FOXP1: variants seen among roughly 807,000 people sequenced by gnomAD.
The protein encoded by FOXP1 is forkhead box P1.
FOXP1 carries 15 observed loss-of-function variants against 98.2 expected under a neutral mutation model. That is an observed-to-expected ratio of 0.15 (90% CI 0.10 to 0.24). The LOEUF is 0.24. FOXP1 is among the 10% of genes least tolerant of loss of function. The pLI is 1.00. For synonymous variants in FOXP1, 371 were observed against 314.5 expected (o/e 1.18, Z -1.90); for missense variants, 633 against 848.5 (o/e 0.75, Z 3.15).
intron 7 of FOXP1, among the ~76,000 whole-genome samples, chr3:71,056,408 T>C (rs2050651762): frequency 6.6e-6 from 1 of 152,318 alleles, no homozygotes; most frequent in East Asian, 1.9e-4. Flanking sequence ...TTATTCATTT[T>C]TTTGCAGTTA....
At chr3:70,961,692 T>G (rs2033569468) in intron 20 of FOXP1, among the ~76,000 whole-genome samples, 1 of 152,054 alleles carries the variant, frequency 6.6e-6, no homozygotes. Context: ...GCTGCATAAT[T>G]TTGGAAGCCC....
chr3:71,175,394 G>A (rs1420502675), intron 6 of FOXP1, among the ~76,000 whole-genome samples: 1 of 152,178 alleles, frequency 6.6e-6, no homozygotes, highest in Non-Finnish European at 1.5e-5. Context: ...AGGAATGGAG[G>A]CTCCCTGCCT....
intron 4 of FOXP1, among the ~76,000 whole-genome samples, chr3:71,331,323 C>T (rs1238794335): frequency 2.0e-5 from 3 of 152,290 alleles, no homozygotes; most frequent in South Asian, 2.1e-4. Flanking sequence ...GCTGCCTCCC[C>T]GCGGGGCAGG....
intron 6 of FOXP1, among the ~76,000 whole-genome samples, chr3:71,120,704 G>A (rs2058698664): frequency 6.6e-6 from 1 of 152,156 alleles, no homozygotes; most frequent in Non-Finnish European, 1.5e-5. Flanking sequence ...TGGGGACGGT[G>A]GGGAAGAGGT....
At chr3:70,969,576 G>C (rs2035741591) in intron 19 of FOXP1, 1 of 152,230 alleles carries the variant, frequency 6.6e-6, no homozygotes, top group African/African-American at 2.4e-5. Context: ...CAGGGCTCCT[G>C]TCAGTATCTC....
chr3:71,187,947 G>C (rs987212874), intron 6 of FOXP1, among the ~76,000 whole-genome samples: 1 of 152,144 alleles, frequency 6.6e-6, no homozygotes, highest in African/African-American at 2.4e-5. Context: ...TTTGTAAAGG[G>C]TATATCAAGA....
rs1418537137 is a variant in FOXP1, at chr3:71,406,329, T to C, written c.-167-47085A>G. Among the ~76,000 whole-genome samples, 3 of 151,346 alleles carry C rather than the reference T, an allele frequency of 2.0e-5. No homozygotes were observed. The East Asian group carries it at 5.8e-4, about 29-fold the overall frequency. On this transcript the variant is annotated intron_variant, in intron 3 of 20. Transcript: ENST00000649528. ...GCTTCTTGGAGCTGCTCACATCTCTTAGCCTGTGGCCTCTTCCCGAATTAT... is the reference window on the plus strand; with the variant it reads ...GCTTCTTGGAGCTGCTCACATCTCTCAGCCTGTGGCCTCTTCCCGAATTAT...
chr3:71,424,993 A>G (rs1206157031), intron 3 of FOXP1, among the ~76,000 whole-genome samples: 1 of 152,272 alleles, frequency 6.6e-6, no homozygotes, highest in Non-Finnish European at 1.5e-5. Flanking sequence ...GTGTTTACTC[A>G]GAAAAAGAAA....
chr3:71,118,687 T>A (rs2058550685), intron 6 of FOXP1, among the ~76,000 whole-genome samples: 1 of 152,206 alleles, frequency 6.6e-6, no homozygotes, highest in Non-Finnish European at 1.5e-5. Context: ...CTGTGTTGTA[T>A]CATCTGTCAT....
intron 4 of FOXP1, among the ~76,000 whole-genome samples, chr3:71,320,736 C>T (rs900786307): frequency 6.6e-6 from 1 of 152,164 alleles, no homozygotes; most frequent in African/African-American, 2.4e-5. Flanking sequence ...CAGTAAACAA[C>T]GTTAACGGCA....
chr3:70,985,435 T>A (rs1260725772), intron 14 of FOXP1, among the ~76,000 whole-genome samples: 1 of 152,100 alleles, frequency 6.6e-6, no homozygotes, highest in African/African-American at 2.4e-5. Flanking sequence ...ACATTACACG[T>A]CTACCTTTTA....
intron 3 of FOXP1, among the ~76,000 whole-genome samples, chr3:71,367,065 T>C (rs955233489): frequency 2.0e-5 from 3 of 152,190 alleles, no homozygotes; most frequent in Admixed American, 1.3e-4. Flanking sequence ...AAAAACAAAA[T>C]ACATCTTGAT....
At chr3:71,063,776 T>C (rs920882790) in intron 7 of FOXP1, among the ~76,000 whole-genome samples, 3 of 152,224 alleles carry the variant, frequency 2.0e-5, no homozygotes, top group Admixed American at 6.5e-5. Context: ...GATTAGAACA[T>C]TTGGTTTGTT....
intron 3 of FOXP1, among the ~76,000 whole-genome samples, chr3:71,436,069 T>A (rs1326513324): frequency 6.6e-6 from 1 of 151,870 alleles, no homozygotes; most frequent in Non-Finnish European, 1.5e-5. Flanking sequence ...ATGTCACAAC[T>A]GAAAACCATT....
chr3:71,441,877 T>G (rs1289928469), intron 3 of FOXP1, among the ~76,000 whole-genome samples: 1 of 152,200 alleles, frequency 6.6e-6, no homozygotes, highest in Non-Finnish European at 1.5e-5. Flanking sequence ...AATGTTTGGA[T>G]TCGAGGGGAA....
chr3:71,242,521 A>C (rs559283812), intron 5 of FOXP1, among the ~76,000 whole-genome samples: 2 of 152,372 alleles, frequency 1.3e-5, no homozygotes, highest in East Asian at 3.9e-4. Flanking sequence ...AATTTCGTAT[A>C]TGTGAAACCA....
At chr3:71,059,156 T>A (rs1462084534) in intron 7 of FOXP1, among the ~76,000 whole-genome samples, 1 of 152,212 alleles carries the variant, frequency 6.6e-6, no homozygotes. Context: ...TTTCATTTTT[T>A]ATCATTTTGT....
At chr3:71,030,774 C>T (rs1446614605) in intron 11 of FOXP1, among the ~76,000 whole-genome samples, 1 of 152,132 alleles carries the variant, frequency 6.6e-6, no homozygotes, top group Non-Finnish European at 1.5e-5. Flanking sequence ...ATTCAAACGC[C>T]ACTGGATTAT....
At chr3:71,166,302 G>A (rs749040703) in intron 6 of FOXP1, among the ~76,000 whole-genome samples, 55 of 152,144 alleles carry the variant, frequency 3.6e-4, no homozygotes, top group African/African-American at 1.2e-3. Flanking sequence ...GACAAGAGCC[G>A]CTAGCGTGAC....
Sources: gnomAD v4.1 joint callset for allele counts (sites outside exome capture counted in the v4.1 genomes callset) on GRCh38, gnomAD v4.1.1 for gene constraint, MANE v1.5 for transcripts, NCBI Gene and HGNC (gene_info 2026-07-23, HGNC 2026-07-21) for gene names.